ROBO2: variants seen among roughly 807,000 people sequenced by gnomAD.
ROBO2 encodes the protein roundabout guidance receptor 2.
In ROBO2, 53 loss-of-function variants were observed where a neutral mutation model predicts 160.8. That is an observed-to-expected ratio of 0.33 (90% CI 0.26 to 0.41). ROBO2 has a LOEUF of 0.41. ROBO2 is among the 10% of genes least tolerant of loss of function. ROBO2 has a pLI of 1.00. For synonymous variants in ROBO2, 664 were observed against 611.7 expected (o/e 1.09, Z -1.26); for missense variants, 1,577 against 1,722.4 (o/e 0.92, Z 1.49).
chr3:77,557,884 A>G (rs2093178229), intron 8 of ROBO2, 60 bp from the exon 10 acceptor site: 1 of 1,330,402 alleles, frequency 7.5e-7, no homozygotes, highest in Non-Finnish European at 1.1e-6. Flanking sequence ...CAGTGTCAAT[A>G]TATCAAGCCT....
chr3:76,328,815 C>T (rs1455672371), intron 2 of ROBO2, among the ~76,000 whole-genome samples: 2 of 151,606 alleles, frequency 1.3e-5, no homozygotes, highest in Admixed American at 6.6e-5. Context: ...GCCGAGATCG[C>T]GCCACCGCAC....
intron 2 of ROBO2, among the ~76,000 whole-genome samples, chr3:77,191,100 T>C (rs940224241): frequency 2.6e-5 from 4 of 152,110 alleles, no homozygotes; most frequent in Admixed American, 6.6e-5. Flanking sequence ...AATAAACACA[T>C]TATACATGTG....
chr3:77,448,158 G>T (rs2153559813), intron 2 of ROBO2, among the ~76,000 whole-genome samples: 1 of 152,198 alleles, frequency 6.6e-6, no homozygotes, highest in South Asian at 2.1e-4. Flanking sequence ...TAATGCAGTG[G>T]CATTGATGGG....
intron 2 of ROBO2, among the ~76,000 whole-genome samples, chr3:77,451,083 G>C (rs2081068118): frequency 6.6e-6 from 1 of 152,042 alleles, no homozygotes; most frequent in South Asian, 2.1e-4. Flanking sequence ...AAATGCATTT[G>C]AGAATGGCCT....
rs73097767 is a variant in ROBO2, at chr3:77,407,293, A to G, written c.389-70121A>G. 5.3e-3 allele frequency among the ~76,000 whole-genome samples: 812 copies of G among 152,234 alleles called. 8 individuals are homozygous for G. The highest frequency in any genetic ancestry group is 6.8e-3 in the South Asian group (33 of 4,826). On this transcript the variant is annotated intron_variant, in intron 2 of 25. Transcript: ENST00000461745. ...GTGGGTTGGCCAAATGATTTCTAAA[A>G]AAAAATCAACTCTAGAGTAGTTTTC...
At chr3:76,646,311 A>C (rs2090968554) in intron 2 of ROBO2, among the ~76,000 whole-genome samples, 1 of 152,170 alleles carries the variant, frequency 6.6e-6, no homozygotes, top group African/African-American at 2.4e-5. Context: ...CGATGCAGAA[A>C]GAAGATGCCG....
At chr3:77,263,466 A>C (rs1580470639) in intron 2 of ROBO2, among the ~76,000 whole-genome samples, 1 of 152,060 alleles carries the variant, frequency 6.6e-6, no homozygotes, top group African/African-American at 2.4e-5. Context: ...CCATGGGTCC[A>C]TATCATTTAG....
At chr3:77,277,571 G>A (rs1259129019) in intron 2 of ROBO2, among the ~76,000 whole-genome samples, 2 of 152,078 alleles carry the variant, frequency 1.3e-5, no homozygotes, top group African/African-American at 2.4e-5. Flanking sequence ...TTCTGTTCCT[G>A]TGTTAGTTTG....
intron 2 of ROBO2, among the ~76,000 whole-genome samples, chr3:76,854,353 T>C (rs895050439): frequency 6.6e-6 from 1 of 152,134 alleles, no homozygotes; most frequent in East Asian, 1.9e-4. Context: ...GGTAAACTTG[T>C]ATAGATCCAA....
At chr3:77,546,502 C>G (rs746721180) in intron 7 of ROBO2, 40 bp downstream of exon 8, 9 of 1,610,352 alleles carry the variant, frequency 5.6e-6, no homozygotes, top group East Asian at 2.2e-5. Flanking sequence ...AATCTCTGAA[C>G]TTCTACTGTC....
In ROBO2 at chr3:77,324,852, CGT is replaced by C. The variant is rs142284511; in HGVS notation, c.389-152559_389-152558del. Among the ~76,000 whole-genome samples, 1,061 of 150,278 alleles carry C rather than the reference CGT, an allele frequency of 7.1e-3. 12 individuals are homozygous for C. Among genetic ancestry groups the C allele is most frequent in the African/African-American group, 0.024 (993 of 40,672 alleles). On this transcript the variant is annotated intron_variant, in intron 2 of 25. Transcript: ENST00000461745. ...GCAAAAATGAATTTTTAAACTAGCGCGTGTTTCCTGTAATTCTTAAAATTAAA... is the reference window on the plus strand; with the variant it reads ...GCAAAAATGAATTTTTAAACTAGCGCGTTTCCTGTAATTCTTAAAATTAAA...
chr3:77,254,844 G>A (rs1314679956), intron 2 of ROBO2, among the ~76,000 whole-genome samples: 2 of 152,156 alleles, frequency 1.3e-5, no homozygotes, highest in Non-Finnish European at 2.9e-5. Context: ...CTTGCTCCGA[G>A]TCACCCATCA....
chr3:76,719,059 T>C (rs1205184407), intron 2 of ROBO2, among the ~76,000 whole-genome samples: 3 of 152,192 alleles, frequency 2.0e-5, no homozygotes, highest in Non-Finnish European at 4.4e-5. Flanking sequence ...ATTCCCTACA[T>C]GTAGCACCAA....
At chr3:77,333,454 G>A (rs1312266878) in intron 2 of ROBO2, among the ~76,000 whole-genome samples, 1 of 152,110 alleles carries the variant, frequency 6.6e-6, no homozygotes, top group Non-Finnish European at 1.5e-5. Flanking sequence ...TAAGTGAAAA[G>A]ATCTATGTGA....
rs1026824576 is a variant in ROBO2, at chr3:76,329,733, A to G, written c.109+392131A>G. On this transcript the variant is annotated intron_variant, in intron 2 of 26. Transcript: ENST00000487694. ...TAGACTGTTTTCTAAAAAATAATAG[A>G]CATTTTTAACACAAATTTTGAAGTA... Among the ~76,000 whole-genome samples, 7 of 152,294 alleles carry G rather than the reference A, an allele frequency of 4.6e-5. No individual in the cohort carries two copies. In the East Asian group the frequency reaches 1.4e-3, roughly 29 times the overall value.
At chr3:76,956,568 A>AG (rs1359299938) in intron 2 of ROBO2, among the ~76,000 whole-genome samples, 2 of 151,610 alleles carry the variant, frequency 1.3e-5, no homozygotes, top group Non-Finnish European at 2.9e-5. Flanking sequence ...AAAAAAAAAA[A>AG]AAAGAAAAAG....
At chr3:76,811,250 AGAACAAG>A (rs1174462667) in intron 2 of ROBO2, among the ~76,000 whole-genome samples, 1 of 152,212 alleles carries the variant, frequency 6.6e-6, no homozygotes, top group Non-Finnish European at 1.5e-5. Flanking sequence ...AGCTTTTCCA[AGAACAAG>A]GACCTGGAGA....
At chr3:76,656,124 A>G (rs202073409) in intron 2 of ROBO2, among the ~76,000 whole-genome samples, 2 of 152,184 alleles carry the variant, frequency 1.3e-5, no homozygotes, top group Non-Finnish European at 2.9e-5. Context: ...AAAAATGTAT[A>G]TAATAAGTTG....
At chr3:76,861,001 T>C (rs1220689285) in intron 2 of ROBO2, among the ~76,000 whole-genome samples, 3 of 152,164 alleles carry the variant, frequency 2.0e-5, no homozygotes, top group Non-Finnish European at 1.5e-5. Context: ...TCCTCTAAGA[T>C]GACTCTCAGC....
Sources: allele counts gnomAD v4.1 joint callset (sites outside exome capture counted in the v4.1 genomes callset), GRCh38; gene constraint gnomAD v4.1.1; transcripts MANE v1.5; gene names NCBI Gene and HGNC (gene_info 2026-07-23, HGNC 2026-07-21).